The following ADAMTS9 variants were observed in gnomAD, a reference collection of about 807,000 sequenced individuals.
ADAMTS9 encodes the protein A disintegrin and metalloproteinase with thrombospondin motifs 9.
A neutral mutation model predicts 257.1 loss-of-function variants in ADAMTS9; 107 were observed. The ratio of observed to expected loss-of-function variants is 0.42; its 90% confidence interval spans 0.36 to 0.49. ADAMTS9 has a LOEUF of 0.49. Among genes scored for constraint, ADAMTS9 ranks in the 20% least tolerant of loss-of-function variants. The pLI is 0.03. For missense variants in ADAMTS9, 2,353 were observed against 2,469.1 expected (o/e 0.95, Z 1.00); for synonymous variants, 982 against 880.9 (o/e 1.11, Z -2.03).
At chr3:64,630,132 G>GTTGCTGTTCA (rs11282179) in intron 16 of ADAMTS9, among the ~76,000 whole-genome samples, 1 of 151,880 alleles carries the variant, frequency 6.6e-6, no homozygotes, top group Non-Finnish European at 1.5e-5. Flanking sequence ...TGTAAGCCAT[G>GTTGCTGTTCA]CGGCTGGGAA....
intron 29 of ADAMTS9, among the ~76,000 whole-genome samples, chr3:64,566,721 G>A (rs1350218966): frequency 6.6e-6 from 1 of 151,548 alleles, no homozygotes; most frequent in Non-Finnish European, 1.5e-5. Flanking sequence ...AATATTCAGA[G>A]GTAAATAAAA....
At position 64,604,012 on chromosome 3, in the gene ADAMTS9, C is replaced by G; in HGVS notation, c.3657G>C (p.Glu1219Asp). Residue 1219 changes from glutamate to aspartate, a missense_variant, in exon 25 of 40, where the codon GAG (glutamate) becomes GAC (aspartate). Coordinates refer to ENST00000498707, the MANE Select transcript of ADAMTS9 (RefSeq NM_182920.2). ...GTCTAGGCAGGGTAGCACAGGCACT[C>G]TCGTCAGCCACAGAGCCATTCTCAT... The part of the protein sequence containing the change: ...CRDENGSVAD[E>D]SACATLPRPV... 1.2e-6 allele frequency: 2 copies of G among 1,614,064 alleles called. No homozygotes were observed. Among genetic ancestry groups the G allele is most frequent in the East Asian group, 2.2e-5 (1 of 44,830 alleles).
chr3:64,598,053 G>A (rs982646066), intron 26 of ADAMTS9, among the ~76,000 whole-genome samples: 6 of 152,074 alleles, frequency 3.9e-5, no homozygotes, highest in East Asian at 1.9e-4. Context: ...ATCTTCTTCC[G>A]TATCAAGATG....
intron 12 of ADAMTS9, among the ~76,000 whole-genome samples, chr3:64,639,513 C>G (rs895734510): frequency 1.3e-5 from 2 of 151,906 alleles, no homozygotes; most frequent in African/African-American, 2.4e-5. Flanking sequence ...ATTTATCTCT[C>G]TCCACTTTTC....
intron 38 of ADAMTS9, among the ~76,000 whole-genome samples, chr3:64,529,807 T>C (rs2082953831): frequency 6.6e-6 from 1 of 152,050 alleles, no homozygotes; most frequent in African/African-American, 2.4e-5. Context: ...CTCAGACTGA[T>C]CATGTGGTGG....
At chr3:64,641,148 T>C (rs2106919689) in intron 12 of ADAMTS9, among the ~76,000 whole-genome samples, 2 of 152,220 alleles carry the variant, frequency 1.3e-5, no homozygotes, top group Admixed American at 1.3e-4. Context: ...CCTTGAGGTC[T>C]AACTAGAAGG....
At chr3:64,555,973 A>G (rs1466486516) in intron 30 of ADAMTS9, among the ~76,000 whole-genome samples, 1 of 152,172 alleles carries the variant, frequency 6.6e-6, no homozygotes, top group Admixed American at 6.5e-5. Context: ...TGAGCAATAA[A>G]GAGTTCGTAT....
Position 64,523,080 on chromosome 3 carries a change from C to G in ADAMTS9, c.5719-820G>C, listed in dbSNP as rs367569075. Among the ~76,000 whole-genome samples, 26 of 152,118 alleles carry G rather than the reference C, an allele frequency of 1.7e-4. 1 individual carries two copies. The South Asian group carries it at 5.4e-3, about 32-fold the overall frequency. On this transcript the variant is annotated intron_variant, in intron 38 of 39. Coordinates refer to ENST00000498707, the MANE Select transcript of ADAMTS9 (RefSeq NM_182920.2). ...AGTTTCCAAGTTGCTCATTTGTTAG[C>G]CAAGCAAGGAAAACAATTTACCAAT...
chr3:64,687,668 ACCCCTCCCTCCGCTGCCCCCACC>A lies in ADAMTS9; in HGVS notation c.-34_-12del. On this transcript the variant is annotated 5_prime_UTR_variant, in exon 1 of 40. Coordinates refer to ENST00000498707, the MANE Select transcript of ADAMTS9 (RefSeq NM_182920.2). The surrounding 1 kb of genome is among the most constrained non-coding windows in gnomAD (Gnocchi z 4.4). Reference sequence around the variant, plus strand: ...GGATACAAACTGCATGGTGCTTCCCACCCCTCCCTCCGCTGCCCCCACCCCCCTCCCTCCTGCCCTCCTTGGCT... The same window carrying A: ...GGATACAAACTGCATGGTGCTTCCCACCCCTCCCTCCTGCCCTCCTTGGCT... 2 of 1,416,990 alleles carry A rather than the reference ACCCCTCCCTCCGCTGCCCCCACC, an allele frequency of 1.4e-6. No individual in the cohort carries two copies. Among genetic ancestry groups the A allele is most frequent in the Admixed American group, 2.2e-5 (1 of 45,974 alleles). 87.8% of individuals were successfully genotyped at this position (1,416,990 alleles called of 1,614,324 possible). A position where few individuals can be genotyped will look rare whatever the true frequency, so the allele number is the denominator to read the frequency against.
chr3:64,538,978 C>T (rs1053751352), intron 37 of ADAMTS9, among the ~76,000 whole-genome samples: 5 of 152,176 alleles, frequency 3.3e-5, no homozygotes, highest in Admixed American at 3.3e-4. Context: ...TTGTTGAATG[C>T]AGAAGTTAGG....
At position 64,663,428 on chromosome 3, in the gene ADAMTS9, CTT is replaced by C. The variant is rs10712747; in HGVS notation, c.680-4639_680-4638del. Among the ~76,000 whole-genome samples, 275 of 127,512 alleles carry C rather than the reference CTT, an allele frequency of 2.2e-3. 1 individual carries two copies. Among genetic ancestry groups the C allele is most frequent in the Middle Eastern group, 4.0e-3 (1 of 252 alleles). The allele number at this position is 127,512 out of a possible 152,430, so 83.7% of individuals were successfully genotyped here. A position where few individuals can be genotyped will look rare whatever the true frequency, so the allele number is the denominator to read the frequency against. Reference sequence around the variant, plus strand: ...CACTCAGGAAATGTTGTATGGAATTCTTTTTTTTTTTTTTTTTGACCACTAAG... The same window carrying C: ...CACTCAGGAAATGTTGTATGGAATTCTTTTTTTTTTTTTTTGACCACTAAG... On this transcript the variant is annotated intron_variant, in intron 3 of 39. Transcript: ENST00000498707.
chr3:64,642,029 G>C (rs1700657931), intron 11 of ADAMTS9, 36 bp from the exon 12 acceptor site: 1 of 1,611,376 alleles, frequency 6.2e-7, no homozygotes, highest in African/African-American at 1.3e-5. Context: ...GGGAGACTTG[G>C]CGCTGTGAGT....
rs573354516 is a variant in ADAMTS9, at chr3:64,540,731, A to T, written c.5521+364T>A. 2.0e-5 allele frequency among the ~76,000 whole-genome samples: 3 copies of T among 152,238 alleles called. No individual in the cohort carries two copies. In the East Asian group the frequency reaches 5.8e-4, roughly 29 times the overall value. On this transcript the variant is annotated intron_variant, in intron 36 of 39. Coordinates refer to ENST00000498707, the MANE Select transcript of ADAMTS9 (RefSeq NM_182920.2). ...ACCTTAGGGTCTCTATTTCAATGTCATATTTTCTGGAATGCTGCCCTGACC... is the reference window on the plus strand; with the variant it reads ...ACCTTAGGGTCTCTATTTCAATGTCTTATTTTCTGGAATGCTGCCCTGACC...
At chr3:64,594,003 A>G (rs75911323) in intron 28 of ADAMTS9, among the ~76,000 whole-genome samples, 1,554 of 108,470 alleles carry the variant, frequency 0.014, 23 homozygotes, top group African/African-American at 0.049. Flanking sequence ...GTGTGTGTGT[A>G]TTTAGGCTAA....
intron 28 of ADAMTS9, among the ~76,000 whole-genome samples, chr3:64,575,153 T>G (rs1403550352): frequency 6.6e-6 from 1 of 152,164 alleles, no homozygotes; most frequent in African/African-American, 2.4e-5. Context: ...GGGTGAATGC[T>G]CTTTACACGG....
At position 64,604,301 on chromosome 3, in the gene ADAMTS9, G is replaced by A; in HGVS notation, c.3505C>T (p.Pro1169Ser). The change falls in exon 24 of 40, where the codon CCA becomes TCA. Residue 1169 changes from proline to serine, a missense_variant. Pro to Ser is a moderately conservative substitution (Grantham distance 74). Coordinates refer to ENST00000498707, the MANE Select transcript of ADAMTS9 (RefSeq NM_182920.2). ...DCELPSCHPPPAAPETRRSTY... is the reference protein window; with the variant it reads ...DCELPSCHPPSAAPETRRSTY... ...CTTCTCCTCGTTTCCGGGGCAGCTGGGGGAGGATGACATGATGGTAATTCA... is the reference window on the plus strand; with the variant it reads ...CTTCTCCTCGTTTCCGGGGCAGCTGAGGGAGGATGACATGATGGTAATTCA... 2 of 1,612,884 alleles carry A rather than the reference G, an allele frequency of 1.2e-6. No homozygotes were observed. Among genetic ancestry groups the A allele is most frequent in the Non-Finnish European group, 8.5e-7 (1 of 1,179,548 alleles).
intron 32 of ADAMTS9, among the ~76,000 whole-genome samples, chr3:64,546,434 T>C (rs2083200236): frequency 6.6e-6 from 1 of 152,188 alleles, no homozygotes; most frequent in Non-Finnish European, 1.5e-5. Flanking sequence ...GTAAACTCAT[T>C]TCATCTTCAC....
chr3:64,541,191 G>T lies in ADAMTS9; in HGVS notation c.5425C>A (p.Arg1809=). 1 of 1,614,190 alleles carries T rather than the reference G, an allele frequency of 6.2e-7. No homozygotes were observed. Among genetic ancestry groups the T allele is most frequent in the Non-Finnish European group, 8.5e-7 (1 of 1,180,030 alleles). Residue 1809 remains arginine (R), a synonymous_variant, in exon 36 of 40, where the codon CGG becomes AGG. Coordinates refer to ENST00000498707, the MANE Select transcript of ADAMTS9 (RefSeq NM_182920.2). ...NPTECPYNGS[R]RDDCQCRKDY... ...TTCCGACATTGGCAGTCATCGCGCC[G>T]GCTCCCGTTATAGGGACATTCTGTT...
At position 64,669,265 on chromosome 3, in the gene ADAMTS9, C is replaced by T. The variant is rs561107634; in HGVS notation, c.680-10474G>A. 2.6e-5 allele frequency among the ~76,000 whole-genome samples: 4 copies of T among 152,318 alleles called. 1 individual carries two copies. In the South Asian group the frequency reaches 8.3e-4, roughly 32 times the overall value. ...TATAAGCTTGAGACAACTTCTTGAA[C>T]AGTCTCACCAGTTCATTCTTAATTA... On this transcript the variant is annotated intron_variant, in intron 3 of 39. Coordinates refer to ENST00000498707, the MANE Select transcript of ADAMTS9 (RefSeq NM_182920.2).
Sources: gnomAD v4.1 joint callset for allele counts (sites outside exome capture counted in the v4.1 genomes callset) on GRCh38, gnomAD v4.1.1 for gene constraint, Gnocchi (gnomAD v3.1) non-coding constraint, MANE v1.5 for transcripts, NCBI Gene and HGNC (gene_info 2026-07-23, HGNC 2026-07-21) for gene names.